The following CNGB1 variants were observed in gnomAD, a reference collection of about 807,000 sequenced individuals.
The protein encoded by CNGB1 is cyclic nucleotide-gated channel beta-1.
Under a neutral mutation model 151.7 loss-of-function variants are expected in CNGB1, and 126 were observed. The observed-to-expected ratio is 0.83, with a 90% confidence interval of 0.72 to 0.96. CNGB1 has a LOEUF of 0.96. Ranked by LOEUF, CNGB1 falls within the 40% of genes least tolerant of loss-of-function variation. The probability of loss-of-function intolerance (pLI) is 0.00; values close to 1 mark genes in which losing one functional copy is unlikely to be tolerated. For synonymous variants in CNGB1, 623 were observed against 635.1 expected (o/e 0.98, Z 0.29); for missense variants, 1,698 against 1,627.0 (o/e 1.04, Z -0.75).
At position 57,917,420 on chromosome 16, in the gene CNGB1, A is replaced by C. The variant is rs1311722958; in HGVS notation, c.2014T>G (p.Trp672Gly). 1 of 1,614,148 alleles carries C rather than the reference A, an allele frequency of 6.2e-7. No homozygotes were observed. The highest frequency in any genetic ancestry group is 1.1e-5 in the South Asian group (1 of 91,080). Residue 672 changes from tryptophan (W) to glycine (G), a missense_variant, in exon 21 of 33, where the codon TGG becomes GGG. By Grantham distance (184) the Trp-to-Gly change is radical. Coordinates refer to ENST00000251102, the MANE Select transcript of CNGB1 (RefSeq NM_001297.5). ...AAGGCCCAGCGCACGGGAATCAGCC[A>C]ACAGTTCCAATTCCAGGCCATCACC... ...FVVMAWNWNCWLIPVRWAFPY... is the reference protein window; with the variant it reads ...FVVMAWNWNCGLIPVRWAFPY...
chr16:57,915,361 G>GGGTAAAACGGATGACTCCAGGGT, intron 22 of CNGB1, 26 bp from the exon 23 acceptor site: 1 of 1,570,186 alleles, frequency 6.4e-7, no homozygotes, highest in Non-Finnish European at 8.8e-7. Flanking sequence ...GACACCATGG[G>GGGTAAAACGGATGACTCCAGGGT]GGTAAAACGG....
intron 25 of CNGB1, among the ~76,000 whole-genome samples, chr16:57,909,363 T>C (rs1454203451): frequency 6.6e-6 from 1 of 150,968 alleles, no homozygotes; most frequent in African/African-American, 2.5e-5. Context: ...CAAACCACTT[T>C]TAAATAAATT....
At chr16:57,906,049 G>A (rs1960541694) in intron 25 of CNGB1, among the ~76,000 whole-genome samples, 1 of 152,192 alleles carries the variant, frequency 6.6e-6, no homozygotes, top group South Asian at 2.1e-4. Flanking sequence ...GCAAAGGTGA[G>A]GTCAGAAGGG....
At chr16:57,951,753 T>A (rs1350725923) in intron 12 of CNGB1, among the ~76,000 whole-genome samples, 2 of 152,242 alleles carry the variant, frequency 1.3e-5, no homozygotes, top group Non-Finnish European at 2.9e-5. Flanking sequence ...CCCTCTTTTA[T>A]GTTTTTCTCC....
intron 14 of CNGB1, among the ~76,000 whole-genome samples, chr16:57,945,998 G>C (rs1214643869): frequency 1.3e-5 from 2 of 152,222 alleles, no homozygotes; most frequent in Non-Finnish European, 2.9e-5. Flanking sequence ...GGGCTGTCTA[G>C]GGGCCATGTT....
At chr16:57,929,175 T>C (rs1030744155) in intron 17 of CNGB1, among the ~76,000 whole-genome samples, 1 of 152,076 alleles carries the variant, frequency 6.6e-6, no homozygotes, top group Admixed American at 6.6e-5. Context: ...AACTAAAAAA[T>C]AGGCAAAGAA....
chr16:57,936,314 G>A (rs1482004298), intron 16 of CNGB1, among the ~76,000 whole-genome samples: 2 of 152,064 alleles, frequency 1.3e-5, no homozygotes, highest in Admixed American at 6.6e-5. Context: ...TCTGCAATCA[G>A]CACCCACATT....
chr16:57,929,706 A>G (rs1961293744), intron 17 of CNGB1, among the ~76,000 whole-genome samples: 1 of 152,158 alleles, frequency 6.6e-6, no homozygotes, highest in African/African-American at 2.4e-5. Flanking sequence ...ACAGTTTTAA[A>G]CCATTGGATC....
chr16:57,969,585 C>T (rs779148975), intron 1 of CNGB1, among the ~76,000 whole-genome samples: 3 of 152,022 alleles, frequency 2.0e-5, no homozygotes, highest in Non-Finnish European at 4.4e-5. Flanking sequence ...CCAGCCTGGT[C>T]GACAGAGTAA....
intron 16 of CNGB1, among the ~76,000 whole-genome samples, chr16:57,934,192 T>C (rs184198833): frequency 2.6e-5 from 4 of 151,902 alleles, no homozygotes; most frequent in African/African-American, 4.8e-5. Context: ...CAGTTGCTCA[T>C]GCCTGTAATC....
At chr16:57,922,427 C>CTTTTTTTTTTT (rs202188548) in intron 18 of CNGB1, among the ~76,000 whole-genome samples, 1 of 142,048 alleles carries the variant, frequency 7.0e-6, no homozygotes, top group African/African-American at 2.9e-5. Context: ...TTCTTTCTTT[C>CTTTTTTTTTTT]TTTCTTTTTT....
At chr16:57,911,532 G>A (rs993142217) in intron 25 of CNGB1, among the ~76,000 whole-genome samples, 3 of 152,138 alleles carry the variant, frequency 2.0e-5, no homozygotes, top group Admixed American at 6.5e-5. Context: ...CAGGTGATCC[G>A]CCTGCCTTGG....
chr16:57,962,513 T>C, intron 7 of CNGB1, 52 bp downstream of exon 7: 2 of 1,548,644 alleles, frequency 1.3e-6, no homozygotes, highest in Non-Finnish European at 1.8e-6. Context: ...AAGGACCTGT[T>C]CCTCCCACCC....
intron 14 of CNGB1, among the ~76,000 whole-genome samples, chr16:57,941,421 G>A (rs761591601): frequency 2.0e-5 from 3 of 152,192 alleles, no homozygotes; most frequent in South Asian, 2.1e-4. Flanking sequence ...AGGTGGAGAC[G>A]GGATTGTTGC....
chr16:57,961,292 G>A (rs111830640), intron 7 of CNGB1, among the ~76,000 whole-genome samples: 57 of 152,338 alleles, frequency 3.7e-4, no homozygotes, highest in African/African-American at 1.3e-3. Flanking sequence ...AGAAGGACCT[G>A]GTTTTGGTTT....
At chr16:57,903,133 G>C (rs140996818) in intron 27 of CNGB1, among the ~76,000 whole-genome samples, 1 of 151,494 alleles carries the variant, frequency 6.6e-6, no homozygotes, top group Admixed American at 6.6e-5. Context: ...GAGAGAGAGG[G>C]AAGGAGGGAG....
chr16:57,928,344 G>A (rs1961249764), intron 17 of CNGB1, among the ~76,000 whole-genome samples: 2 of 152,210 alleles, frequency 1.3e-5, no homozygotes, highest in Non-Finnish European at 2.9e-5. Context: ...TGCCATTAGG[G>A]ATAGGGCCCA....
intron 4 of CNGB1, among the ~76,000 whole-genome samples, chr16:57,963,735 G>T (rs569474272): frequency 1.1e-3 from 160 of 152,306 alleles, no homozygotes; most frequent in African/African-American, 3.8e-3. Context: ...CCGGCCCCCT[G>T]TACAGGGGCG....
chr16:57,905,305 G>T (rs181865757), intron 25 of CNGB1, among the ~76,000 whole-genome samples: 1 of 152,266 alleles, frequency 6.6e-6, no homozygotes, highest in Admixed American at 6.5e-5. Flanking sequence ...AAGTTTGGAC[G>T]ATATCTTGAG....
Sources: gnomAD v4.1 joint callset for allele counts (sites outside exome capture counted in the v4.1 genomes callset) on GRCh38, gnomAD v4.1.1 for gene constraint, MANE v1.5 for transcripts, NCBI Gene and HGNC (gene_info 2026-07-23, HGNC 2026-07-21) for gene names.